Variants in ROBO2 observed in about 807,000 individuals in gnomAD.
ROBO2 encodes the protein roundabout homolog 2.
A neutral mutation model predicts 160.8 loss-of-function variants in ROBO2; 53 were observed. The ratio of observed to expected loss-of-function variants is 0.33; its 90% CI spans 0.26 to 0.41. The LOEUF is 0.41. Ranked by LOEUF, ROBO2 falls within the 10% of genes least tolerant of loss-of-function variation. The probability of loss-of-function intolerance (pLI) is 1.00; values close to 1 mark genes in which losing one functional copy is unlikely to be tolerated. For missense variants in ROBO2, 1,577 were observed against 1,722.4 expected (o/e 0.92, Z 1.49); for synonymous variants, 664 against 611.7 (o/e 1.09, Z -1.26).
chr3:77,440,031 C>T (rs952511273), intron 2 of ROBO2, among the ~76,000 whole-genome samples: 1 of 152,050 alleles, frequency 6.6e-6, no homozygotes, highest in Non-Finnish European at 1.5e-5. Flanking sequence ...GTTTTAAATA[C>T]AGAAGATAGT....
At chr3:76,841,673 T>C (rs150620277) in intron 2 of ROBO2, among the ~76,000 whole-genome samples, 1 of 152,328 alleles carries the variant, frequency 6.6e-6, no homozygotes, top group African/African-American at 2.4e-5. Flanking sequence ...GAGAGGACCA[T>C]TGGTGTTTTG....
intron 1 of ROBO2, among the ~76,000 whole-genome samples, chr3:77,076,548 C>T (rs944194607): frequency 2.0e-4 from 30 of 151,830 alleles, no homozygotes; most frequent in African/African-American, 6.3e-4. Context: ...AAATTTTTCT[C>T]TCATTTTAAG....
intron 2 of ROBO2, among the ~76,000 whole-genome samples, chr3:76,285,418 T>G (rs549078242): frequency 1.3e-4 from 20 of 152,166 alleles, no homozygotes; most frequent in African/African-American, 4.6e-4. Flanking sequence ...TAAGAGCATA[T>G]CAAAACTCTT....
intron 2 of ROBO2, among the ~76,000 whole-genome samples, chr3:76,407,221 C>G (rs1023243766): frequency 6.6e-6 from 1 of 151,854 alleles, no homozygotes; most frequent in African/African-American, 2.4e-5. Flanking sequence ...GTAGAGAGAC[C>G]TCCCTTTCTC....
chr3:76,560,980 CTG>C (rs1203667960), intron 2 of ROBO2, among the ~76,000 whole-genome samples: 1 of 136,262 alleles, frequency 7.3e-6, no homozygotes, highest in East Asian at 2.1e-4. Context: ...ATGAGTATAT[CTG>C]TGTGTGTGTG....
intron 2 of ROBO2, among the ~76,000 whole-genome samples, chr3:76,535,187 A>G (rs548625367): frequency 2.8e-4 from 43 of 151,824 alleles, no homozygotes; most frequent in Non-Finnish European, 5.6e-4. Context: ...AGGAGAGGAG[A>G]CTATAGGGGT....
chr3:77,486,795 G>A (rs996700242), intron 4 of ROBO2, among the ~76,000 whole-genome samples: 1 of 151,940 alleles, frequency 6.6e-6, no homozygotes, highest in South Asian at 2.1e-4. Context: ...ATCTTGTGAT[G>A]CTTCTCTGCC....
At chr3:76,536,282 C>T (rs1473517909) in intron 2 of ROBO2, among the ~76,000 whole-genome samples, 2 of 152,148 alleles carry the variant, frequency 1.3e-5, no homozygotes, top group African/African-American at 4.8e-5. Flanking sequence ...TGTTGAACAC[C>T]TTGAAGGCAA....
At chr3:76,395,649 G>A (rs1397745758) in intron 2 of ROBO2, among the ~76,000 whole-genome samples, 4 of 151,962 alleles carry the variant, frequency 2.6e-5, no homozygotes, top group African/African-American at 7.3e-5. Context: ...TATCACAACC[G>A]ATCCCACAGA....
intron 2 of ROBO2, among the ~76,000 whole-genome samples, chr3:76,086,370 T>C (rs1483730988): frequency 6.6e-6 from 1 of 152,058 alleles, no homozygotes; most frequent in Admixed American, 6.6e-5. Context: ...CTATGACACA[T>C]GGGGACTATG....
intron 2 of ROBO2, among the ~76,000 whole-genome samples, chr3:76,671,684 A>T (rs1464822225): frequency 6.6e-6 from 1 of 152,154 alleles, no homozygotes; most frequent in Non-Finnish European, 1.5e-5. Flanking sequence ...ATTAAAACAT[A>T]AGTATATAAA....
intron 2 of ROBO2, among the ~76,000 whole-genome samples, chr3:76,818,068 A>C (rs1475336161): frequency 6.6e-6 from 1 of 151,912 alleles, no homozygotes; most frequent in Non-Finnish European, 1.5e-5. Context: ...TCTTTAAGGA[A>C]TCTCCACACT....
chr3:76,310,362 T>C (rs6766424), intron 2 of ROBO2, among the ~76,000 whole-genome samples: 10,602 of 152,212 alleles, frequency 0.07, 451 homozygotes, highest in African/African-American at 0.12. Flanking sequence ...CCGTCTATGT[T>C]GGTATTTCCA....
At chr3:76,442,243 G>A (rs183505012) in intron 2 of ROBO2, among the ~76,000 whole-genome samples, 4 of 152,240 alleles carry the variant, frequency 2.6e-5, no homozygotes, top group East Asian at 3.9e-4. Context: ...AAAAAAACCC[G>A]AGGATATATT....
chr3:76,017,222 GTATGCAAAGACGAC>G, intron 2 of ROBO2, among the ~76,000 whole-genome samples: 1 of 152,244 alleles, frequency 6.6e-6, no homozygotes, highest in South Asian at 2.1e-4. Flanking sequence ...CAATCGTGAT[GTATGCAAAGACGAC>G]TAACAATCCC....
At chr3:76,911,096 A>C (rs529845554) in intron 2 of ROBO2, among the ~76,000 whole-genome samples, 1 of 152,210 alleles carries the variant, frequency 6.6e-6, no homozygotes, top group East Asian at 1.9e-4. Flanking sequence ...TTTAGTAACT[A>C]AGCAGGAACT....
chr3:76,592,731 G>A (rs2086493893), intron 2 of ROBO2, among the ~76,000 whole-genome samples: 1 of 151,532 alleles, frequency 6.6e-6, no homozygotes, highest in African/African-American at 2.4e-5. Flanking sequence ...TCTACTCCAA[G>A]TTTCTACTCG....
intron 2 of ROBO2, among the ~76,000 whole-genome samples, chr3:77,291,829 T>C (rs1337818384): frequency 2.1e-5 from 3 of 145,522 alleles, no homozygotes; most frequent in South Asian, 2.2e-4. Context: ...GTAAAATTGA[T>C]GGTTAAACGG....
chr3:76,215,874 T>G (rs1703486859), intron 2 of ROBO2, among the ~76,000 whole-genome samples: 5 of 152,042 alleles, frequency 3.3e-5, no homozygotes, highest in Admixed American at 3.3e-4. Flanking sequence ...TCACCAAAGT[T>G]GAAATGAAGG....
Sources: gnomAD v4.1 joint callset for allele counts (sites outside exome capture counted in the v4.1 genomes callset) on GRCh38, gnomAD v4.1.1 for gene constraint, MANE v1.5 for transcripts, NCBI Gene and HGNC (gene_info 2026-07-23, HGNC 2026-07-21) for gene names.